HLA-DOA: variants seen among roughly 807,000 people sequenced by gnomAD.
HLA-DOA encodes the protein major histocompatibility complex, class II, DO alpha.
A neutral mutation model predicts 22.9 loss-of-function variants in HLA-DOA; 27 were observed. The ratio of observed to expected loss-of-function variants is 1.18; its 90% CI spans 0.87 to 1.62. HLA-DOA has a LOEUF of 1.62. Among genes scored for constraint, HLA-DOA ranks in the 40% most tolerant of loss-of-function variants. HLA-DOA has a pLI of 0.00. For missense variants in HLA-DOA, 324 were observed against 332.4 expected (o/e 0.97, Z 0.20); for synonymous variants, 137 against 138.6 (o/e 0.99, Z 0.08).
intron 2 of HLA-DOA, 109 bp from the exon 3 acceptor site, chr6:33,007,701 G>A: frequency 2.4e-6 from 3 of 1,272,388 alleles, no homozygotes; most frequent in Non-Finnish European, 3.3e-6. Flanking sequence ...GGCAGGGGAT[G>A]CTCTGGGGTA....
At position 33,008,111 on chromosome 6, in the gene HLA-DOA, G is replaced by A. The variant is rs1406650178; in HGVS notation, c.233C>T (p.Ala78Val). ...CAGCCCGCCCTGCGGGTCAAAGCGG[G>A]CAAAGTCACCAAACTCAGGCAGACG... ...VWRLPEFGDF[A>V]RFDPQGGLAG... Residue 78 changes from alanine to valine, a missense_variant, in exon 2 of 5, where the codon GCC becomes GTC. Physicochemically the swap from Ala to Val is moderately conservative, Grantham distance 64 (BLOSUM62 0). Coordinates refer to ENST00000229829, the MANE Select transcript of HLA-DOA (RefSeq NM_002119.4). The A allele has an allele frequency of 2.5e-6, 4 of 1,613,090 alleles. No homozygotes were observed. The highest frequency in any genetic ancestry group is 3.4e-6 in the Non-Finnish European group (4 of 1,180,038).
In HLA-DOA at chr6:33,006,450, T is replaced by G. The variant is rs928467747; in HGVS notation, c.*388A>C. 1 of 375,024 alleles carries G rather than the reference T, an allele frequency of 2.7e-6. No homozygotes were observed. Among genetic ancestry groups the G allele is most frequent in the African/African-American group, 2.0e-5 (1 of 49,770 alleles). 23.2% of individuals were successfully genotyped at this position (375,024 alleles called of 1,614,324 possible). On this transcript the variant is annotated 3_prime_UTR_variant, in exon 5 of 5. Transcript: ENST00000229829. ...GGCTCATTCACAAAGTAACACACAATGGGCCAAATGGAGCAAGACACACCT... is the reference window on the plus strand; with the variant it reads ...GGCTCATTCACAAAGTAACACACAAGGGGCCAAATGGAGCAAGACACACCT...
chr6:33,007,375 G>A lies in HLA-DOA; in HGVS notation c.549C>T (p.Ala183=), dbSNP rs148861667. 293 of 1,606,870 alleles carry A rather than the reference G, an allele frequency of 1.8e-4. No homozygotes were observed. Among genetic ancestry groups the A allele is most frequent in the Middle Eastern group, 5.0e-4 (3 of 6,052 alleles). ...KFHYLPFVPS[A]EDVYDCQVEH... ...CCACCTGGCAGTCATAGACGTCCTC[G>A]GCTGAGGGCACGAAGGGCAGGTAGT... The change falls in exon 3 of 5, where the codon GCC becomes GCT. Residue 183 remains alanine, a synonymous_variant. Coordinates refer to ENST00000229829, the MANE Select transcript of HLA-DOA (RefSeq NM_002119.4).
chr6:33,008,334 G>GAGT, intron 1 of HLA-DOA, 73 bp from the exon 2 acceptor site: 1 of 1,562,366 alleles, frequency 6.4e-7, no homozygotes. Flanking sequence ...TGTGATTGTT[G>GAGT]AGTCCCTGAG....
chr6:33,007,252 G>A (rs1438805813), intron 3 of HLA-DOA, 37 bp from the exon 4 acceptor site: 2 of 1,613,246 alleles, frequency 1.2e-6, no homozygotes, highest in African/African-American at 2.7e-5. Context: ...GTATATGAAA[G>A]GATTCTAGAG....
Position 33,006,745 on chromosome 6 carries a change from T to G in HLA-DOA, c.*93A>C. ...CCCACTCAAAGTCAGCACAGCGGGA[T>G]GCACTTAAAGGGCACTGAGCACGCA... On this transcript the variant is annotated 3_prime_UTR_variant, in exon 5 of 5. Transcript: ENST00000229829. 1 of 1,608,714 alleles carries G rather than the reference T, an allele frequency of 6.2e-7. No homozygotes were observed. Among genetic ancestry groups the G allele is most frequent in the Non-Finnish European group, 8.5e-7 (1 of 1,176,156 alleles).
chr6:33,008,210 G>C lies in HLA-DOA; in HGVS notation c.134C>G (p.Ser45Trp), dbSNP rs371630344. ...ATCAAATTCATGGGTGAACTGGCCC[G>C]AGGCGCCGTAAGACTGGTAGAAGGC... is the stretch of plus-strand genomic sequence containing the variant. The part of the protein sequence containing the change: ...GPAFYQSYGA[S>W]GQFTHEFDEE... Residue 45 changes from serine (S) to tryptophan (W), a missense_variant, in exon 2 of 5, where the codon TCG becomes TGG. Transcript: ENST00000229829. The C allele has an allele frequency of 1.5e-5, 25 of 1,612,934 alleles. No homozygotes were observed. Among genetic ancestry groups the C allele is most frequent in the Non-Finnish European group, 2.0e-5 (24 of 1,180,048 alleles).
Position 33,008,030 on chromosome 6 carries a change from C to T in HLA-DOA, c.314G>A (p.Arg105His), listed in dbSNP as rs778543005. ...GCCGGTACCGTTGATGGCTCTGCTGCGGTTGGAGCGCTCCACCAGGATGTC... is the reference window on the plus strand; with the variant it reads ...GCCGGTACCGTTGATGGCTCTGCTGTGGTTGGAGCGCTCCACCAGGATGTC... ...HLDILVERSN[R>H]SRAINVPPRV... The change falls in exon 2 of 5, where the codon CGC (arginine) becomes CAC (histidine). Residue 105 changes from arginine to histidine, a missense_variant. Transcript: ENST00000229829. 6 of 1,612,620 alleles carry T rather than the reference C, an allele frequency of 3.7e-6. No homozygotes were observed. The South Asian group carries it at 5.5e-5, about 15-fold the overall frequency.
At chr6:33,007,936 G>T (rs1780894275) in intron 2 of HLA-DOA, 77 bp downstream of exon 2, 2 of 1,529,656 alleles carry the variant, frequency 1.3e-6, no homozygotes, top group Non-Finnish European at 1.8e-6. Context: ...GCCCCAGAGT[G>T]ATGGGAGCCT....
intron 2 of HLA-DOA, 98 bp from the exon 3 acceptor site, chr6:33,007,690 G>A: frequency 1.4e-6 from 2 of 1,383,700 alleles, no homozygotes; most frequent in African/African-American, 1.4e-5. Flanking sequence ...AGCCATCTGT[G>A]GGCAGGGGAT....
At position 33,007,298 on chromosome 6, in the gene HLA-DOA, G is replaced by A; in HGVS notation, c.613+13C>T. On this transcript the variant is annotated intron_variant, in intron 3 of 4. Coordinates refer to ENST00000229829, the MANE Select transcript of HLA-DOA (RefSeq NM_002119.4). ...CTGGGGCCAGGAGGGTGCATGGGGA[G>A]GGGGCTCCGTACCCCAATGCCTGAG... 1 of 1,613,096 alleles carries A rather than the reference G, an allele frequency of 6.2e-7. No individual in the cohort carries two copies. Among genetic ancestry groups the A allele is most frequent in the African/African-American group, 1.3e-5 (1 of 75,070 alleles).
chr6:33,006,508 C>T lies in HLA-DOA; in HGVS notation c.*330G>A. ...CCCCAGGATGGCTGCCAATCCCCAG[C>T]ACCACATGCCTCACCCCTGGAAGAA... On this transcript the variant is annotated 3_prime_UTR_variant, in exon 5 of 5. Coordinates refer to ENST00000229829, the MANE Select transcript of HLA-DOA (RefSeq NM_002119.4). The T allele has an allele frequency of 1.9e-6, 1 of 528,902 alleles. No homozygotes were observed. The highest frequency in any genetic ancestry group is 3.4e-6 in the Non-Finnish European group (1 of 294,524). 32.8% of individuals were successfully genotyped at this position (528,902 alleles called of 1,614,324 possible).
At position 33,007,162 on chromosome 6, in the gene HLA-DOA, G is replaced by C. The variant is rs1469795077; in HGVS notation, c.667C>G (p.Leu223Val). ...CCCACCAGGCCGATGGCCAGGCCCA[G>C]GGCACAGACCAGGGTCTCCATGGCA... ...PDAMETLVCA[L>V]GLAIGLVGFL... The change falls in exon 4 of 5, where the codon CTG becomes GTG. Residue 223 changes from leucine to valine, a missense_variant. By Grantham distance (32) the Leu-to-Val change is conservative. Transcript: ENST00000229829. The C allele has an allele frequency of 1.2e-6, 2 of 1,613,802 alleles. No homozygotes were observed. Among genetic ancestry groups the C allele is most frequent in the African/African-American group, 2.7e-5 (2 of 74,936 alleles).
Position 33,006,015 on chromosome 6 carries a change from T to G in HLA-DOA, c.*823A>C, listed in dbSNP as rs1327673937. ...GATTTATCTCTTTGTATGTTTTAAA[T>G]TCTGTTCACAGAAAAGTAGACCAAA... On this transcript the variant is annotated 3_prime_UTR_variant, in exon 5 of 5. Transcript: ENST00000229829. 3 of 152,222 alleles carry G rather than the reference T, an allele frequency of 2.0e-5. No homozygotes were observed. The highest frequency in any genetic ancestry group is 4.4e-5 in the Non-Finnish European group (3 of 68,044). 9.4% of individuals were successfully genotyped at this position (152,222 alleles called of 1,614,324 possible).
At position 33,006,085 on chromosome 6, in the gene HLA-DOA, C is replaced by G. The variant is rs1265351380; in HGVS notation, c.*753G>C. The G allele has an allele frequency of 1.3e-5, 2 of 152,248 alleles. No individual in the cohort carries two copies. Among genetic ancestry groups the G allele is most frequent in the Non-Finnish European group, 2.9e-5 (2 of 68,112 alleles). 9.4% of individuals were successfully genotyped at this position (152,248 alleles called of 1,614,324 possible). On this transcript the variant is annotated 3_prime_UTR_variant, in exon 5 of 5. Transcript: ENST00000229829. ...TAGAGTGTGTCTAGGTGGACCTCCC[C>G]TCTTACGAGATACCTCGCAGACCGA...
Position 33,009,267 on chromosome 6 carries a change from G to A in HLA-DOA, c.82+188C>T, listed in dbSNP as rs11753831. The stretch of plus-strand genomic sequence containing the variant: ...GACTGGGGCACCTGCGCAGCTGACC[G>A]AGCTGCATCTTCATTTAGGTCCAGA... On this transcript the variant is annotated intron_variant, in intron 1 of 4. Transcript: ENST00000229829. This position sits in a 1 kb window ranked among gnomAD's most constrained non-coding sequence, Gnocchi z 4.8. Among the ~76,000 whole-genome samples, 11,484 of 152,088 alleles carry A rather than the reference G, an allele frequency of 0.076. 592 individuals carry two copies. The highest frequency in any genetic ancestry group is 0.11 in the East Asian group (546 of 5,162).
rs1562013241 is a variant in HLA-DOA at position 33,008,224 on chromosome 6, CT to C, written c.119del (p.Gln40ArgfsTer23). 1 of 1,613,036 alleles carries C rather than the reference CT, an allele frequency of 6.2e-7. No individual in the cohort carries two copies. Among genetic ancestry groups the C allele is most frequent in the South Asian group, 1.1e-5 (1 of 91,082 alleles). Reference protein sequence around the residue: ...HMGSYGPAFYQSYGASGQFTH... With the variant: ...HMGSYGPAFYXSYGASGQFTH... ...TGAACTGGCCCGAGGCGCCGTAAGA[CT>C]GGTAGAAGGCGGGTCCGTAGGAGCC... On this transcript the variant is annotated frameshift_variant, in exon 2 of 5. Coordinates refer to ENST00000229829, the MANE Select transcript of HLA-DOA (RefSeq NM_002119.4). LOFTEE classifies it high-confidence loss of function.
In HLA-DOA at chr6:33,006,688, A is replaced by C. The variant is rs1780820517; in HGVS notation, c.*150T>G. 1.5e-6 allele frequency: 2 copies of C among 1,294,974 alleles called. No homozygotes were observed. The highest frequency in any genetic ancestry group is 2.2e-6 in the Non-Finnish European group (2 of 896,676). 80.2% of individuals were successfully genotyped at this position (1,294,974 alleles called of 1,614,324 possible). A position where few individuals can be genotyped will look rare whatever the true frequency, so the allele number is the denominator to read the frequency against. The stretch of plus-strand genomic sequence containing the variant: ...AACCCTGCCATGAATACTGGGGCCA[A>C]AAAAGAGGGGACCCGTAGGACAGAT... On this transcript the variant is annotated 3_prime_UTR_variant, in exon 5 of 5. Transcript: ENST00000229829.
rs912112010 is a variant in HLA-DOA, at chr6:33,005,786, G to T, written c.*1052C>A. 1 of 151,974 alleles carries T rather than the reference G, an allele frequency of 6.6e-6. No homozygotes were observed. Among genetic ancestry groups the T allele is most frequent in the African/African-American group, 2.4e-5 (1 of 41,360 alleles). The allele number at this position is 151,974 out of a possible 1,614,324, so 9.4% of individuals were successfully genotyped here. A position where few individuals can be genotyped will look rare whatever the true frequency, so the allele number is the denominator to read the frequency against. On this transcript the variant is annotated 3_prime_UTR_variant, in exon 5 of 5. Transcript: ENST00000229829. ...TGTAGAGATGGGGTCTCTCTATGTA[G>T]CCCAAGATGGTTTCCACCTCTTGGC...
Sources: allele counts gnomAD v4.1 joint callset (sites outside exome capture counted in the v4.1 genomes callset), GRCh38; gene constraint gnomAD v4.1.1; non-coding constraint Gnocchi (gnomAD v3.1); transcripts MANE v1.5; gene names NCBI Gene and HGNC (gene_info 2026-07-23, HGNC 2026-07-21).